Variants in PLD1 observed in about 807,000 individuals in gnomAD.
PLD1 encodes choline phosphatase 1.
PLD1 carries 112 observed loss-of-function variants against 137.1 expected under a neutral mutation model. The ratio of observed to expected loss-of-function variants is 0.82; its 90% CI spans 0.70 to 0.96. The LOEUF is 0.96. Ranked by LOEUF, PLD1 falls within the 40% of genes least tolerant of loss-of-function variation. PLD1 has a pLI of 0.00. For missense variants in PLD1, 1,321 were observed against 1,342.0 expected (o/e 0.98, Z 0.24); for synonymous variants, 431 against 454.7 (o/e 0.95, Z 0.66).
At chr3:171,758,257 T>G (rs996504455) in intron 1 of PLD1, among the ~76,000 whole-genome samples, 1 of 152,232 alleles carries the variant, frequency 6.6e-6, no homozygotes, top group Non-Finnish European at 1.5e-5. Context: ...GAGGGATTGG[T>G]CATGTGCTCA....
chr3:171,745,348 C>A (rs1560271565), intron 1 of PLD1, among the ~76,000 whole-genome samples: 1 of 152,232 alleles, frequency 6.6e-6, no homozygotes. Context: ...ACTGAGGCTG[C>A]ACAGTTGTGA....
At chr3:171,675,651 C>G (rs1436043883) in intron 18 of PLD1, among the ~76,000 whole-genome samples, 1 of 152,060 alleles carries the variant, frequency 6.6e-6, no homozygotes, top group Non-Finnish European at 1.5e-5. Context: ...CATCCATCTC[C>G]CCTAAATTTT....
intron 24 of PLD1, among the ~76,000 whole-genome samples, chr3:171,620,072 T>C (rs1417398272): frequency 2.6e-5 from 4 of 152,206 alleles, no homozygotes; most frequent in Non-Finnish European, 5.9e-5. Flanking sequence ...AATAGTTTAG[T>C]TCACAAAGAG....
At chr3:171,688,020 C>T (rs1714752254) in intron 14 of PLD1, among the ~76,000 whole-genome samples, 1 of 151,806 alleles carries the variant, frequency 6.6e-6, no homozygotes, top group Admixed American at 6.6e-5. Context: ...TAAGATGAAG[C>T]CCATCAAATT....
chr3:171,801,677 C>A (rs1723652346), intron 1 of PLD1, among the ~76,000 whole-genome samples: 1 of 152,224 alleles, frequency 6.6e-6, no homozygotes, highest in Non-Finnish European at 1.5e-5. Context: ...GATCTACCTG[C>A]CTCAGCCTTC....
intron 12 of PLD1, among the ~76,000 whole-genome samples, chr3:171,695,235 A>C (rs4616674): frequency 6.6e-6 from 1 of 152,234 alleles, no homozygotes; most frequent in East Asian, 1.9e-4. Context: ...GGAAAAAAAA[A>C]CCTGATGATG....
intron 22 of PLD1, among the ~76,000 whole-genome samples, chr3:171,644,573 T>A (rs1218112979): frequency 4.6e-5 from 7 of 152,238 alleles, no homozygotes; most frequent in Admixed American, 4.6e-4. Flanking sequence ...TTTCTCTATT[T>A]ACTGCAAAGT....
intron 21 of PLD1, among the ~76,000 whole-genome samples, chr3:171,658,194 A>G (rs1396075473): frequency 6.6e-6 from 1 of 151,982 alleles, no homozygotes; most frequent in Non-Finnish European, 1.5e-5. Flanking sequence ...AAATACAGAG[A>G]AACTGGACCT....
At chr3:171,684,977 T>C (rs1349148888) in intron 16 of PLD1, among the ~76,000 whole-genome samples, 1 of 152,228 alleles carries the variant, frequency 6.6e-6, no homozygotes, top group African/African-American at 2.4e-5. Context: ...GTTCATTGTG[T>C]GTAGTTGATT....
intron 26 of PLD1, 115 bp from the exon 27 acceptor site, chr3:171,603,417 G>GTCT: frequency 1.4e-6 from 1 of 701,436 alleles, no homozygotes; most frequent in Non-Finnish European, 2.4e-6. Flanking sequence ...CATATTATTA[G>GTCT]TCTTATGTTA....
chr3:171,781,099 G>A (rs1722779646), intron 1 of PLD1, among the ~76,000 whole-genome samples: 1 of 152,090 alleles, frequency 6.6e-6, no homozygotes, highest in South Asian at 2.1e-4. Context: ...GGACAGTGTG[G>A]TACTAGTACA....
At chr3:171,766,227 G>A (rs1721965380) in intron 1 of PLD1, among the ~76,000 whole-genome samples, 5 of 152,164 alleles carry the variant, frequency 3.3e-5, no homozygotes, top group Admixed American at 2.6e-4. Context: ...TAGATTAAGA[G>A]TAATGTTAGT....
At chr3:171,703,258 T>C (rs1210493738) in intron 11 of PLD1, among the ~76,000 whole-genome samples, 2 of 152,216 alleles carry the variant, frequency 1.3e-5, no homozygotes, top group South Asian at 2.1e-4. Flanking sequence ...ATAACAAAAC[T>C]GCATGCTTTC....
intron 1 of PLD1, among the ~76,000 whole-genome samples, chr3:171,795,085 C>T (rs1723379043): frequency 6.6e-6 from 1 of 152,316 alleles, no homozygotes; most frequent in East Asian, 1.9e-4. Flanking sequence ...CTCAATAGCT[C>T]CCTTCATTGG....
chr3:171,631,361 C>A (rs1331956615), intron 23 of PLD1, among the ~76,000 whole-genome samples: 1 of 151,918 alleles, frequency 6.6e-6, no homozygotes, highest in African/African-American at 2.4e-5. Context: ...AAGAAAGGAG[C>A]TATAAACATA....
At chr3:171,617,768 C>T (rs1482181707) in intron 24 of PLD1, among the ~76,000 whole-genome samples, 1 of 152,056 alleles carries the variant, frequency 6.6e-6, no homozygotes, top group African/African-American at 2.4e-5. Flanking sequence ...CAAATATTTC[C>T]TCATGAGGAG....
At chr3:171,677,209 A>G (rs1405990534) in intron 17 of PLD1, among the ~76,000 whole-genome samples, 2 of 152,224 alleles carry the variant, frequency 1.3e-5, no homozygotes, top group Admixed American at 6.5e-5. Context: ...CCCAGTGATA[A>G]CCTGAAAATA....
intron 21 of PLD1, among the ~76,000 whole-genome samples, chr3:171,646,141 C>T (rs946062082): frequency 2.6e-5 from 4 of 152,068 alleles, no homozygotes; most frequent in South Asian, 2.1e-4. Flanking sequence ...AAGCTATTAA[C>T]GTTCTTGTCT....
At chr3:171,792,851 T>C (rs567393284) in intron 1 of PLD1, 160 of 376,892 alleles carry the variant, frequency 4.2e-4, no homozygotes, top group African/African-American at 3.2e-3. Flanking sequence ...GGACACCAGC[T>C]ATGGCTGAGG....
Sources: allele counts gnomAD v4.1 joint callset (sites outside exome capture counted in the v4.1 genomes callset), GRCh38; gene constraint gnomAD v4.1.1; transcripts MANE v1.5; gene names NCBI Gene and HGNC (gene_info 2026-07-23, HGNC 2026-07-21).